The following MOBP variants were observed in gnomAD, a reference collection of about 807,000 sequenced individuals.
MOBP encodes the protein myelin associated oligodendrocyte basic protein.
A neutral mutation model predicts 15.0 loss-of-function variants in MOBP; 5 were observed. The ratio of observed to expected loss-of-function variants is 0.33; its 90% CI spans 0.17 to 0.70. MOBP has a LOEUF of 0.70. Among genes scored for constraint, MOBP ranks in the 30% least tolerant of loss-of-function variants. The probability of loss-of-function intolerance (pLI) is 0.67; values close to 1 mark genes in which losing one functional copy is unlikely to be tolerated. For synonymous variants in MOBP, 88 were observed against 99.0 expected, an observed-to-expected ratio of 0.89 and a Z score of 0.66; for missense variants, 188 against 257.8, an observed-to-expected ratio of 0.73 and a Z score of 1.85.
chr3:39,491,522 G>A (rs895479150), intron 2 of MOBP, among the ~76,000 whole-genome samples: 1 of 145,348 alleles, frequency 6.9e-6, no homozygotes, highest in Non-Finnish European at 1.5e-5. Flanking sequence ...TTAGGAAATA[G>A]CAAAATAATA....
chr3:39,489,686 T>TCCC (rs550816061), intron 2 of MOBP, among the ~76,000 whole-genome samples: 26,470 of 150,368 alleles, frequency 0.18, 4,254 homozygotes, highest in African/African-American at 0.43. Context: ...GGTGTATTGT[T>TCCC]CCCCGCCCAG....
intron 4 of MOBP, among the ~76,000 whole-genome samples, chr3:39,508,233 C>T (rs900915524): frequency 2.0e-5 from 3 of 152,234 alleles, no homozygotes; most frequent in African/African-American, 7.2e-5. Context: ...TATGCTCACA[C>T]ACATACTTCA....
At position 39,468,749 on chromosome 3, in the gene MOBP, TAC is replaced by T. The variant is rs1458295613; in HGVS notation, c.-89+1011_-89+1012del. Among the ~76,000 whole-genome samples the T allele has an allele frequency of 1.0e-4, 15 of 144,858 alleles. 2 individuals carry two copies. Among genetic ancestry groups the T allele is most frequent in the Admixed American group, 1.0e-3 (15 of 14,640 alleles). On this transcript the variant is annotated intron_variant, in intron 1 of 3. Transcript: ENST00000684792. ...ATATATACATATGTGTGTGTATATATACATATATACATGTGTGTGTATATATA... is the reference window on the plus strand; with the variant it reads ...ATATATACATATGTGTGTGTATATATATATATACATGTGTGTGTATATATA...
chr3:39,468,435 A>C (rs1227738395), intron 1 of MOBP, among the ~76,000 whole-genome samples: 1 of 152,188 alleles, frequency 6.6e-6, no homozygotes, highest in East Asian at 1.9e-4. Flanking sequence ...TTCTTTGTGA[A>C]TAAATCAGGG....
chr3:39,468,873 ATATACATATG>A lies in MOBP; in HGVS notation c.-89+1135_-89+1144del, dbSNP rs1245710134. ...TATACATGAGTGTGTATATATACAT[ATATACATATG>A]TGTGTGTATATATACATATATACAT... On this transcript the variant is annotated intron_variant, in intron 1 of 3. Transcript: ENST00000684792. Among the ~76,000 whole-genome samples the A allele has an allele frequency of 1.7e-5, 2 of 119,506 alleles. 1 individual carries two copies. The highest frequency in any genetic ancestry group is 3.2e-5 in the Non-Finnish European group (2 of 61,582). 78.4% of individuals were successfully genotyped at this position (119,506 alleles called of 152,430 possible).
At chr3:39,496,994 G>A (rs1337079657) in intron 2 of MOBP, among the ~76,000 whole-genome samples, 2 of 152,064 alleles carry the variant, frequency 1.3e-5, no homozygotes, top group African/African-American at 4.8e-5. Context: ...GTAGAGATGG[G>A]GTTTCACCAT....
intron 1 of MOBP, among the ~76,000 whole-genome samples, chr3:39,471,366 T>C (rs1310843265): frequency 6.6e-6 from 1 of 152,118 alleles, no homozygotes; most frequent in Non-Finnish European, 1.5e-5. Flanking sequence ...CCTGACCTCG[T>C]GATCTGCCTG....
At chr3:39,503,973 A>G (rs13064980), downstream of MOBP, among the ~76,000 whole-genome samples, 97,793 of 152,098 alleles carry the variant, frequency 0.64, 34,133 homozygotes, top group Non-Finnish European at 0.77. Flanking sequence ...TCACCCCGCA[A>G]AGGTACAGTT....
chr3:39,489,003 T>G (rs1417381470), intron 2 of MOBP, among the ~76,000 whole-genome samples: 1 of 152,316 alleles, frequency 6.6e-6, no homozygotes, highest in East Asian at 1.9e-4. Context: ...TAGCTCACTT[T>G]CAAGGGCCTG....
chr3:39,499,448 T>A (rs1040793016), intron 2 of MOBP: 9 of 152,712 alleles, frequency 5.9e-5, no homozygotes, highest in Admixed American at 5.9e-4. Context: ...TGAATACCCA[T>A]TACTCCTTCT....
At chr3:39,489,622 C>G (rs1411765472) in intron 2 of MOBP, among the ~76,000 whole-genome samples, 1 of 152,058 alleles carries the variant, frequency 6.6e-6, no homozygotes, top group African/African-American at 2.4e-5. Flanking sequence ...AAATTAGCAC[C>G]AAGAATTGCT....
chr3:39,479,809 G>A (rs911020519), intron 1 of MOBP, among the ~76,000 whole-genome samples: 1 of 134,564 alleles, frequency 7.4e-6, no homozygotes, highest in Non-Finnish European at 1.5e-5. Flanking sequence ...TGGACATATA[G>A]CTTTTTTTTT....
intron 2 of MOBP, among the ~76,000 whole-genome samples, chr3:39,488,259 T>C (rs911394875): frequency 1.6e-4 from 24 of 152,250 alleles, no homozygotes; most frequent in African/African-American, 5.5e-4. Context: ...TCTTGTGATT[T>C]CTCAATCCAC....
At chr3:39,471,148 C>T (rs576693839) in intron 1 of MOBP, among the ~76,000 whole-genome samples, 143 of 102,534 alleles carry the variant, frequency 1.4e-3, no homozygotes, top group African/African-American at 5.6e-3. Context: ...TTTTTTTTTG[C>T]GATGGAGTCT....
downstream of MOBP, among the ~76,000 whole-genome samples, chr3:39,505,023 C>T (rs2043031130): frequency 6.6e-6 from 1 of 152,210 alleles, no homozygotes; most frequent in South Asian, 2.1e-4. Context: ...GTACGATTTC[C>T]AGCATCCTGA....
downstream of MOBP, among the ~76,000 whole-genome samples, chr3:39,507,550 G>A (rs2043063566): frequency 6.6e-6 from 1 of 152,326 alleles, no homozygotes; most frequent in East Asian, 1.9e-4. Flanking sequence ...CATTAAGATA[G>A]AGGTCATGCC....
intron 2 of MOBP, among the ~76,000 whole-genome samples, chr3:39,489,662 C>G (rs1183510619): frequency 6.7e-6 from 1 of 148,372 alleles, no homozygotes; most frequent in African/African-American, 2.6e-5. Flanking sequence ...CTTACCTACT[C>G]AAGGCAGGAG....
chr3:39,496,023 G>A (rs1307881446), intron 2 of MOBP, among the ~76,000 whole-genome samples: 2 of 151,798 alleles, frequency 1.3e-5, no homozygotes, highest in Non-Finnish European at 2.9e-5. Context: ...AACTTGAAAA[G>A]TGAATGATTT....
intron 2 of MOBP, among the ~76,000 whole-genome samples, chr3:39,481,459 T>G (rs1327388046): frequency 6.6e-6 from 1 of 152,186 alleles, no homozygotes; most frequent in Non-Finnish European, 1.5e-5. Flanking sequence ...TCAAGAATAT[T>G]AATTATTTCC....
Sources: gnomAD v4.1 joint callset for allele counts (sites outside exome capture counted in the v4.1 genomes callset) on GRCh38, gnomAD v4.1.1 for gene constraint, MANE v1.5 for transcripts, NCBI Gene and HGNC (gene_info 2026-07-23, HGNC 2026-07-21) for gene names.